WSCD2: variants seen among roughly 807,000 people sequenced by gnomAD.
WSCD2 encodes the protein WSC domain sialate O sulfotransferase 2.
Under a neutral mutation model 55.7 loss-of-function variants are expected in WSCD2, and 28 were observed. That is an observed-to-expected ratio of 0.50 (90% CI 0.37 to 0.69). WSCD2 has a LOEUF of 0.69. Ranked by LOEUF, WSCD2 falls within the 30% of genes least tolerant of loss-of-function variation. The pLI, the probability that WSCD2 is intolerant of heterozygous loss-of-function variation, is 0.00. For synonymous variants in WSCD2, 301 were observed against 301.9 expected (o/e 1.00, Z 0.03); for missense variants, 616 against 762.1 (o/e 0.81, Z 2.26).
intron 1 of WSCD2, among the ~76,000 whole-genome samples, chr12:108,166,787 T>TTCTTTCTTTCTTTCTC (rs1180713499): frequency 1.3e-4 from 19 of 146,242 alleles, no homozygotes; most frequent in Non-Finnish European, 2.1e-4. Context: ...CTTTCTTTCT[T>TTCTTTCTTTCTTTCTC]TCTGTCTTTC....
Position 108,196,178 on chromosome 12 carries a change from A to G in WSCD2, c.346A>G (p.Lys116Glu). The G allele has an allele frequency of 6.2e-7, 1 of 1,614,020 alleles. No individual in the cohort carries two copies. The highest frequency in any genetic ancestry group is 8.5e-7 in the Non-Finnish European group (1 of 1,179,956). Reference protein sequence around the residue: ...DYGGAWSRALKGRVVREKEEE... With the variant: ...DYGGAWSRALEGRVVREKEEE... ...CGGTGGAGCCTGGAGCCGAGCCCTC[A>G]AGGGGAGGGTTGTCCGGGAGAAGGA... Residue 116 changes from lysine (K) to glutamate (E), a missense_variant, in exon 2 of 9, where the codon AAG (lysine) becomes GAG (glutamate). By Grantham distance (56) the Lys-to-Glu change is moderately conservative. Around this residue, in one of 3 missense-constraint regions of WSCD2, gnomAD observed 374 missense variants for 467.4 expected, o/e 0.80. Coordinates refer to ENST00000547525, the MANE Select transcript of WSCD2 (RefSeq NM_014653.4).
At chr12:108,137,883 C>T (rs190112849) in intron 1 of WSCD2, among the ~76,000 whole-genome samples, 6 of 152,306 alleles carry the variant, frequency 3.9e-5, no homozygotes, top group African/African-American at 1.4e-4. Context: ...TGTACCTAGA[C>T]AGTGTCTGGT....
Position 108,224,833 on chromosome 12 carries a change from C to T in WSCD2, c.777C>T (p.Asp259=). 6.2e-7 allele frequency: 1 copy of T among 1,613,678 alleles called. No homozygotes were observed. Among genetic ancestry groups the T allele is most frequent in the Non-Finnish European group, 8.5e-7 (1 of 1,180,042 alleles). ...VTAAMLNMSV[D]KCVDFCTEKE... ...CTGCCATGCTGAACATGTCTGTGGA[C>T]AAATGCGTGGACTTCTGCACTGAGA... The change falls in exon 5 of 9, where the codon GAC becomes GAT. Residue 259 remains aspartate (D), a synonymous_variant. Transcript: ENST00000547525.
chr12:108,190,790 T>TG (rs976649871), intron 1 of WSCD2, among the ~76,000 whole-genome samples: 5 of 152,058 alleles, frequency 3.3e-5, no homozygotes, highest in East Asian at 1.9e-4. Flanking sequence ...ATGCCAGCCC[T>TG]GGGGGGGAGG....
At chr12:108,172,582 C>T (rs1880350652) in intron 1 of WSCD2, among the ~76,000 whole-genome samples, 1 of 152,002 alleles carries the variant, frequency 6.6e-6, no homozygotes, top group Non-Finnish European at 1.5e-5. Flanking sequence ...GACATGCAGA[C>T]ACACAGAGAG....
At chr12:108,227,590 A>G (rs1363623199) in intron 6 of WSCD2, among the ~76,000 whole-genome samples, 2 of 152,190 alleles carry the variant, frequency 1.3e-5, no homozygotes, top group African/African-American at 4.8e-5. Flanking sequence ...CATTTTATCT[A>G]TAAGTTCTTC....
intron 1 of WSCD2, among the ~76,000 whole-genome samples, chr12:108,133,373 G>A (rs1184369289): frequency 6.6e-6 from 1 of 152,082 alleles, no homozygotes; most frequent in African/African-American, 2.4e-5. Flanking sequence ...ACATCTCTGG[G>A]CGTACATGTG....
At chr12:108,227,279 C>T (rs1052975973) in intron 6 of WSCD2, 115 bp downstream of exon 6, 3 of 1,276,984 alleles carry the variant, frequency 2.3e-6, no homozygotes, top group Admixed American at 5.0e-5. Context: ...ACCATGCAAG[C>T]CAGAGGGCAG....
intron 1 of WSCD2, among the ~76,000 whole-genome samples, chr12:108,180,069 AAAAAGAAAAG>A (rs1486505314): frequency 6.8e-5 from 10 of 147,828 alleles, no homozygotes; most frequent in Non-Finnish European, 1.1e-4. Flanking sequence ...AAAAAAAAAG[AAAAAGAAAAG>A]AAAAGAAAAG....
intron 2 of WSCD2, among the ~76,000 whole-genome samples, chr12:108,199,225 C>T (rs1022694076): frequency 2.0e-5 from 3 of 151,914 alleles, no homozygotes; most frequent in South Asian, 2.1e-4. Context: ...GACACTTCTC[C>T]GGCCTGACGC....
chr12:108,210,300 G>A lies in WSCD2; in HGVS notation c.677G>A (p.Arg226His), dbSNP rs374953285. The change falls in exon 4 of 9, where the codon CGC (arginine) becomes CAC (histidine). Residue 226 changes from arginine (R) to histidine (H), a missense_variant. Arg to His is a conservative substitution (Grantham distance 29). Transcript: ENST00000547525. The surrounding 1 kb of genome is among the most constrained non-coding windows in gnomAD (Gnocchi z 4.3). Reference sequence around the variant, plus strand: ...CTGCAGCTGGCCCAGGAGTCGGCCCGCAGGTGTACGTGAGTCTGCCCTGCC... The same window carrying A: ...CTGCAGCTGGCCCAGGAGTCGGCCCACAGGTGTACGTGAGTCTGCCCTGCC... ...YRLQLAQESA[R>H]RYGSAVFRGC... The A allele has an allele frequency of 5.3e-5, 83 of 1,578,136 alleles. No individual in the cohort carries two copies. The African/African-American group carries it at 9.0e-4, about 17-fold the overall frequency.
intron 1 of WSCD2, among the ~76,000 whole-genome samples, chr12:108,181,578 C>T (rs1881765942): frequency 1.3e-5 from 2 of 152,242 alleles, no homozygotes; most frequent in East Asian, 3.9e-4. Flanking sequence ...AATGGAGGCT[C>T]AGAGAGGTGA....
chr12:108,248,588 T>G lies in WSCD2; in HGVS notation c.*245T>G. On this transcript the variant is annotated 3_prime_UTR_variant, in exon 9 of 9. Coordinates refer to ENST00000547525, the MANE Select transcript of WSCD2 (RefSeq NM_014653.4). This position sits in a 1 kb window ranked among gnomAD's most constrained non-coding sequence, Gnocchi z 4.3. ...ATGTGGGGCATCTTGTTTAGGGGGT[T>G]CTAGTTACATGGACTCTTTTCTGTC... The G allele has an allele frequency of 3.8e-6, 5 of 1,302,436 alleles. No homozygotes were observed. Among genetic ancestry groups the G allele is most frequent in the Non-Finnish European group, 4.9e-6 (5 of 1,021,868 alleles). The allele number at this position is 1,302,436 out of a possible 1,614,324, so 80.7% of individuals were successfully genotyped here.
intron 1 of WSCD2, among the ~76,000 whole-genome samples, chr12:108,143,531 C>G (rs550746757): frequency 6.6e-6 from 1 of 152,312 alleles, no homozygotes; most frequent in African/African-American, 2.4e-5. Flanking sequence ...GTCCCCATCT[C>G]AGAGCCTTGC....
intron 8 of WSCD2, 120 bp from the exon 9 acceptor site, chr12:108,247,871 T>C: frequency 8.8e-7 from 1 of 1,139,742 alleles, no homozygotes; most frequent in Non-Finnish European, 1.2e-6. Flanking sequence ...TTATTACAGT[T>C]AATTGTTAAT....
chr12:108,246,215 C>A (rs979294743), intron 8 of WSCD2, among the ~76,000 whole-genome samples: 2 of 152,224 alleles, frequency 1.3e-5, no homozygotes, highest in Non-Finnish European at 2.9e-5. Context: ...GACAGTAGTC[C>A]TTTTCCTTTC....
intron 1 of WSCD2, among the ~76,000 whole-genome samples, chr12:108,175,124 A>G (rs572215106): frequency 6.6e-6 from 1 of 152,304 alleles, no homozygotes; most frequent in East Asian, 1.9e-4. Flanking sequence ...CCCTGCCCAA[A>G]GAGACATTTG....
chr12:108,245,642 C>T (rs1432602468), intron 8 of WSCD2, among the ~76,000 whole-genome samples: 1 of 152,202 alleles, frequency 6.6e-6, no homozygotes, highest in Non-Finnish European at 1.5e-5. Flanking sequence ...AGCACCGTCT[C>T]TATCACCTGG....
At chr12:108,179,120 A>T (rs914893364) in intron 1 of WSCD2, among the ~76,000 whole-genome samples, 2 of 152,212 alleles carry the variant, frequency 1.3e-5, no homozygotes, top group Middle Eastern at 3.4e-3. Flanking sequence ...TCACTTTCAC[A>T]TGGCCTGTTT....
Sources: allele counts gnomAD v4.1 joint callset (sites outside exome capture counted in the v4.1 genomes callset), GRCh38; gene constraint gnomAD v4.1.1; regional missense constraint gnomAD v4.1.1; non-coding constraint Gnocchi (gnomAD v3.1); transcripts MANE v1.5; gene names NCBI Gene and HGNC (gene_info 2026-07-23, HGNC 2026-07-21).